KANSL1L: variants seen among roughly 807,000 people sequenced by gnomAD.
KANSL1L encodes KAT8 regulatory NSL complex subunit 1 like.
In KANSL1L, 25 loss-of-function variants were observed where a neutral mutation model predicts 108.6. The ratio of observed to expected loss-of-function variants is 0.23; its 90% CI spans 0.17 to 0.32. The LOEUF (loss-of-function observed/expected upper bound fraction) is 0.32, where lower values mean the gene tolerates loss of function less well. KANSL1L is among the 10% of genes least tolerant of loss of function. The pLI is 1.00. For synonymous variants in KANSL1L, 405 were observed against 395.1 expected (o/e 1.03, Z -0.30); for missense variants, 1,137 against 1,125.7 (o/e 1.01, Z -0.14).
intron 3 of KANSL1L, among the ~76,000 whole-genome samples, chr2:210,123,991 A>C (rs892802665): frequency 6.6e-6 from 1 of 152,180 alleles, no homozygotes; most frequent in Non-Finnish European, 1.5e-5. Flanking sequence ...AATAAGAGAC[A>C]ATTAAAACAT....
chr2:210,026,656 A>G (rs553983454), intron 12 of KANSL1L, among the ~76,000 whole-genome samples: 1 of 152,370 alleles, frequency 6.6e-6, no homozygotes, highest in East Asian at 1.9e-4. Context: ...TTAAACTTAA[A>G]TAATGAGTGA....
intron 12 of KANSL1L, 53 bp from the exon 13 acceptor site, chr2:210,025,269 A>G (rs2093920527): frequency 3.5e-6 from 4 of 1,154,438 alleles, no homozygotes; most frequent in Non-Finnish European, 5.2e-6. Flanking sequence ...TTGAAATATA[A>G]GATCAGGCTG....
chr2:210,150,786 A>G (rs967685557), intron 2 of KANSL1L, among the ~76,000 whole-genome samples: 2 of 151,738 alleles, frequency 1.3e-5, no homozygotes, highest in Non-Finnish European at 2.9e-5. Context: ...CCATCTTAAA[A>G]AAAAAAAAAA....
At chr2:210,123,832 G>GT (rs2095042768) in intron 3 of KANSL1L, among the ~76,000 whole-genome samples, 1 of 147,176 alleles carries the variant, frequency 6.8e-6, no homozygotes, top group Non-Finnish European at 1.5e-5. Flanking sequence ...TATTTTTTAA[G>GT]TTAAAAAAAA....
At chr2:210,127,798 C>CAA (rs55979027) in intron 3 of KANSL1L, among the ~76,000 whole-genome samples, 8,855 of 28,078 alleles carry the variant, frequency 0.32, 2,305 homozygotes, top group Middle Eastern at 0.5. Flanking sequence ...GACTCTGCCT[C>CAA]AAAAAAAAAA....
At chr2:210,075,419 C>T in intron 6 of KANSL1L, 133 bp downstream of exon 6, 3 of 635,532 alleles carry the variant, frequency 4.7e-6, no homozygotes, top group Admixed American at 3.2e-5. Flanking sequence ...CATTTTTAAA[C>T]TATATTTGTA....
chr2:210,024,479 AATG>A (rs2093907852), intron 13 of KANSL1L, among the ~76,000 whole-genome samples: 1 of 152,088 alleles, frequency 6.6e-6, no homozygotes. Context: ...TGACTAATTA[AATG>A]AAAGATGCTC....
At chr2:210,119,893 C>G (rs1297789419) in intron 3 of KANSL1L, among the ~76,000 whole-genome samples, 1 of 152,078 alleles carries the variant, frequency 6.6e-6, no homozygotes, top group Non-Finnish European at 1.5e-5. Flanking sequence ...GCAAAAAGAA[C>G]AAAGCAGAAG....
At chr2:210,112,182 C>T (rs1006579800) in intron 3 of KANSL1L, among the ~76,000 whole-genome samples, 9 of 152,030 alleles carry the variant, frequency 5.9e-5, no homozygotes, top group Non-Finnish European at 1.0e-4. Flanking sequence ...TGAATAGTGC[C>T]GCTATAAACA....
chr2:210,107,519 A>AAAATATAT (rs1553663238), intron 3 of KANSL1L, among the ~76,000 whole-genome samples: 9 of 141,562 alleles, frequency 6.4e-5, no homozygotes, highest in African/African-American at 1.9e-4. Flanking sequence ...TCAAAAAAAA[A>AAAATATAT]ATATATATAT....
At chr2:210,159,059 C>A (rs564639937) in intron 1 of KANSL1L, among the ~76,000 whole-genome samples, 26 of 152,220 alleles carry the variant, frequency 1.7e-4, no homozygotes, top group African/African-American at 5.3e-4. Context: ...ACAGAAGATG[C>A]GCAACAAATA....
Position 210,075,643 on chromosome 2 carries a change from A to G in KANSL1L, c.1664T>C (p.Phe555Ser). ...RTRLKSSSLT[F>S]MSTSARTRPL... ...CCTTGTTCGGGCTGATGTACTCATG[A>G]AAGTCAAGGATGAAGATTTCAGTCT... Residue 555 changes from phenylalanine to serine, a missense_variant, in exon 6 of 15, where the codon TTC (phenylalanine) becomes TCC (serine). Coordinates refer to ENST00000281772, the MANE Select transcript of KANSL1L (RefSeq NM_152519.4). 6.2e-7 allele frequency: 1 copy of G among 1,613,968 alleles called. No homozygotes were observed. Among genetic ancestry groups the G allele is most frequent in the South Asian group, 1.1e-5 (1 of 91,078 alleles).
Position 210,022,758 on chromosome 2 carries a change from T to G in KANSL1L, c.*191A>C. ...AACACAAATGACTACCACTTGTCTG[T>G]AGATGAAAATCTGGTTACCCTTATG... On this transcript the variant is annotated 3_prime_UTR_variant, in exon 15 of 15. Coordinates refer to ENST00000281772, the MANE Select transcript of KANSL1L (RefSeq NM_152519.4). The G allele has an allele frequency of 1.8e-6, 1 of 559,286 alleles. No homozygotes were observed. The highest frequency in any genetic ancestry group is 3.2e-6 in the Non-Finnish European group (1 of 314,380). 34.6% of individuals were successfully genotyped at this position (559,286 alleles called of 1,614,324 possible).
intron 2 of KANSL1L, among the ~76,000 whole-genome samples, chr2:210,137,163 G>C (rs181175945): frequency 2.4e-4 from 37 of 152,232 alleles, no homozygotes; most frequent in Non-Finnish European, 4.1e-4. Context: ...ATATCTTCTA[G>C]AGACAGCATT....
Position 210,023,137 on chromosome 2 carries a change from C to A in KANSL1L, c.2776G>T (p.Asp926Tyr). 6.2e-7 allele frequency: 1 copy of A among 1,613,978 alleles called. No individual in the cohort carries two copies. Among genetic ancestry groups the A allele is most frequent in the Non-Finnish European group, 8.5e-7 (1 of 1,179,926 alleles). The change falls in exon 15 of 15, where the codon GAC (aspartate) becomes TAC (tyrosine). Residue 926 changes from aspartate to tyrosine, a missense_variant. This residue lies in a region of KANSL1L where 575 missense variants were observed against 567.1 expected (regional missense o/e 1.01). Coordinates refer to ENST00000281772, the MANE Select transcript of KANSL1L (RefSeq NM_152519.4). ...TCTTGACATAATAAGGCTGCCATGT[C>A]TTCACCCTTCAGTGGAAAAGCCCGT... Reference protein sequence around the residue: ...ERRAFPLKGEDMAALLCQDEK... With the variant: ...ERRAFPLKGEYMAALLCQDEK...
intron 6 of KANSL1L, among the ~76,000 whole-genome samples, chr2:210,059,239 C>G (rs2094393797): frequency 6.6e-6 from 1 of 152,096 alleles, no homozygotes; most frequent in African/African-American, 2.4e-5. Context: ...TGGAAGGAAG[C>G]CATTCTAGCT....
intron 6 of KANSL1L, among the ~76,000 whole-genome samples, chr2:210,054,843 G>C (rs983444905): frequency 6.6e-6 from 1 of 152,054 alleles, no homozygotes; most frequent in East Asian, 1.9e-4. Context: ...GGAGAAAGAA[G>C]AAGAAGAAAG....
chr2:210,035,925 G>T (rs56016194), intron 8 of KANSL1L, among the ~76,000 whole-genome samples: 4 of 152,002 alleles, frequency 2.6e-5, no homozygotes, highest in African/African-American at 7.3e-5. Context: ...CAGAATTTCA[G>T]GTCCCATTCC....
chr2:210,081,156 A>C (rs1427152869), intron 5 of KANSL1L, among the ~76,000 whole-genome samples: 1 of 151,950 alleles, frequency 6.6e-6, no homozygotes, highest in African/African-American at 2.4e-5. Flanking sequence ...AACAAGGCCA[A>C]ATGGAGCACT....
Sources: gnomAD v4.1 joint callset for allele counts (sites outside exome capture counted in the v4.1 genomes callset) on GRCh38, gnomAD v4.1.1 for gene constraint, gnomAD v4.1.1 regional missense constraint, MANE v1.5 for transcripts, NCBI Gene and HGNC (gene_info 2026-07-23, HGNC 2026-07-21) for gene names.